COL22A1: variants seen among roughly 807,000 people sequenced by gnomAD.
The protein encoded by COL22A1 is collagen type XXII alpha 1 chain, also known as collagen alpha-1(XXII) chain.
COL22A1 carries 221 observed loss-of-function variants against 248.9 expected under a neutral mutation model. The observed-to-expected ratio is 0.89, with a 90% CI of 0.80 to 0.99. The LOEUF is 0.99. Ranked by LOEUF, COL22A1 falls within the 50% of genes least tolerant of loss-of-function variation. The pLI is 0.00. For synonymous variants in COL22A1, 891 were observed against 793.4 expected, an observed-to-expected ratio of 1.12 and a Z score of -2.07; for missense variants, 2,240 against 2,179.0, an observed-to-expected ratio of 1.03 and a Z score of -0.56.
chr8:138,603,393 C>T (rs941777470), intron 59 of COL22A1, among the ~76,000 whole-genome samples: 7 of 152,106 alleles, frequency 4.6e-5, no homozygotes, highest in East Asian at 1.9e-4. Context: ...CAACAAAAGG[C>T]GGCAGGAAAG....
At chr8:138,667,663 A>G (rs1395371645) in intron 41 of COL22A1, among the ~76,000 whole-genome samples, 1 of 152,190 alleles carries the variant, frequency 6.6e-6, no homozygotes, top group Non-Finnish European at 1.5e-5. Context: ...TAGGTATCCA[A>G]AGGGTACTTT....
intron 35 of COL22A1, among the ~76,000 whole-genome samples, chr8:138,692,421 A>G (rs1374620847): frequency 3.2e-5 from 4 of 123,792 alleles, no homozygotes; most frequent in Admixed American, 1.6e-4. Context: ...GTGTGTGTGC[A>G]CGTACGTGTG....
At chr8:138,804,796 G>A (rs978086866) in intron 10 of COL22A1, among the ~76,000 whole-genome samples, 2 of 135,462 alleles carry the variant, frequency 1.5e-5, no homozygotes, top group South Asian at 2.2e-4. Flanking sequence ...CGTGTGGTGT[G>A]TGTGTGTGTG....
At chr8:138,693,620 G>A (rs771861514) in intron 35 of COL22A1, 26 bp downstream of exon 35, 17 of 1,568,388 alleles carry the variant, frequency 1.1e-5, no homozygotes, top group African/African-American at 1.4e-5. Flanking sequence ...GCTCCCCCAC[G>A]AGGCAGGCCG....
At chr8:138,650,850 C>T (rs527476940) in intron 45 of COL22A1, among the ~76,000 whole-genome samples, 1 of 152,290 alleles carries the variant, frequency 6.6e-6, no homozygotes, top group Admixed American at 6.5e-5. Flanking sequence ...ATGTGTCAGG[C>T]ACTGTGCTAA....
In COL22A1 at chr8:138,724,042, G is replaced by T. The variant is rs147352755; in HGVS notation, c.2247+573C>A. Among the ~76,000 whole-genome samples the T allele has an allele frequency of 5.8e-3, 888 of 152,078 alleles. 7 individuals carry two copies. Among genetic ancestry groups the T allele is most frequent in the African/African-American group, 0.021 (852 of 41,492 alleles). On this transcript the variant is annotated intron_variant, in intron 25 of 64. Transcript: ENST00000303045. ...AAGGTGGCCCAGGGGCCTCCCTGAG[G>T]GTAGATCATGAGATCTACCCAGGTC...
At chr8:138,812,796 C>T in intron 8 of COL22A1, 143 bp downstream of exon 8, 1 of 690,274 alleles carries the variant, frequency 1.4e-6, no homozygotes, top group East Asian at 2.6e-5. Flanking sequence ...CCAGCCCATA[C>T]CCTAAGCTCC....
At chr8:138,853,013 T>C (rs1342135418) in intron 3 of COL22A1, among the ~76,000 whole-genome samples, 1 of 151,062 alleles carries the variant, frequency 6.6e-6, no homozygotes, top group Non-Finnish European at 1.5e-5. Flanking sequence ...TATATATACA[T>C]GCACATACAA....
rs1816809123 is a variant in COL22A1 at position 138,588,911 on chromosome 8, A to C, written c.*342T>G. 5.5e-6 allele frequency: 1 copy of C among 180,812 alleles called. No homozygotes were observed. Among genetic ancestry groups the C allele is most frequent in the East Asian group, 1.4e-4 (1 of 7,172 alleles). 11.2% of individuals were successfully genotyped at this position (180,812 alleles called of 1,614,324 possible). A position where few individuals can be genotyped will look rare whatever the true frequency, so the allele number is the denominator to read the frequency against. On this transcript the variant is annotated 3_prime_UTR_variant, in exon 65 of 65. Coordinates refer to ENST00000303045, the MANE Select transcript of COL22A1 (RefSeq NM_152888.3). Reference sequence around the variant, plus strand: ...TCCTTAAAATGGGCAGTTACGCGTCAGATGGGGGCTGTCAGAAGAATGAAG... The same window carrying C: ...TCCTTAAAATGGGCAGTTACGCGTCCGATGGGGGCTGTCAGAAGAATGAAG...
chr8:138,819,345 T>C (rs1464073527), intron 7 of COL22A1, among the ~76,000 whole-genome samples: 1 of 151,912 alleles, frequency 6.6e-6, no homozygotes, highest in Non-Finnish European at 1.5e-5. Context: ...TAAATAAAAC[T>C]AGCATAGTAG....
At chr8:138,794,053 G>A (rs1358413695) in intron 12 of COL22A1, among the ~76,000 whole-genome samples, 2 of 152,192 alleles carry the variant, frequency 1.3e-5, no homozygotes, top group African/African-American at 4.8e-5. Flanking sequence ...CCCTGTGCTC[G>A]GCCTCTGCCC....
intron 23 of COL22A1, among the ~76,000 whole-genome samples, chr8:138,733,089 A>G (rs1025338191): frequency 2.6e-5 from 4 of 152,172 alleles, no homozygotes; most frequent in African/African-American, 9.7e-5. Flanking sequence ...TTCTGCACAG[A>G]GGCCCAGGCC....
chr8:138,799,582 G>T (rs1386112205), intron 11 of COL22A1, among the ~76,000 whole-genome samples: 2 of 151,976 alleles, frequency 1.3e-5, no homozygotes, highest in Non-Finnish European at 2.9e-5. Context: ...CATGGCCTTG[G>T]ACCTGTACAT....
intron 22 of COL22A1, among the ~76,000 whole-genome samples, chr8:138,748,313 A>G (rs553284795): frequency 1.3e-5 from 2 of 152,276 alleles, no homozygotes; most frequent in Non-Finnish European, 2.9e-5. Flanking sequence ...CCGACCTGTG[A>G]GCTCCTAGTA....
intron 49 of COL22A1, among the ~76,000 whole-genome samples, chr8:138,631,436 C>G (rs1196264134): frequency 6.6e-6 from 1 of 152,166 alleles, no homozygotes; most frequent in Non-Finnish European, 1.5e-5. Context: ...GAACTCACTT[C>G]AGGATGGGCA....
At chr8:138,769,976 C>T (rs537716585) in intron 16 of COL22A1, among the ~76,000 whole-genome samples, 9 of 152,292 alleles carry the variant, frequency 5.9e-5, no homozygotes, top group African/African-American at 2.2e-4. Flanking sequence ...GCTCTCATAA[C>T]TCATTGGATC....
intron 7 of COL22A1, among the ~76,000 whole-genome samples, chr8:138,819,208 T>C (rs965026439): frequency 1.3e-5 from 2 of 152,232 alleles, no homozygotes; most frequent in African/African-American, 4.8e-5. Flanking sequence ...TAAAATTTTA[T>C]GTTTCCCAAC....
At chr8:138,594,239 A>G (rs773869516) in intron 62 of COL22A1, 40 bp from the exon 63 acceptor site, 1 of 1,539,966 alleles carries the variant, frequency 6.5e-7, no homozygotes, top group Non-Finnish European at 8.7e-7. Flanking sequence ...TGAAGAACAG[A>G]TAGTGGACAT....
intron 10 of COL22A1, among the ~76,000 whole-genome samples, chr8:138,803,199 C>G (rs1160846248): frequency 2.6e-5 from 4 of 152,152 alleles, no homozygotes; most frequent in Non-Finnish European, 5.9e-5. Context: ...TTGGGAATGG[C>G]CTGCCACTGA....
Sources: gnomAD v4.1 joint callset for allele counts (sites outside exome capture counted in the v4.1 genomes callset) on GRCh38, gnomAD v4.1.1 for gene constraint, MANE v1.5 for transcripts, NCBI Gene and HGNC (gene_info 2026-07-23, HGNC 2026-07-21) for gene names.